HKDC1: variants seen among roughly 807,000 people sequenced by gnomAD.
HKDC1 encodes the protein hexokinase domain containing 1.
Under a neutral mutation model 96.6 loss-of-function variants are expected in HKDC1, and 66 were observed. The ratio of observed to expected loss-of-function variants is 0.68; its 90% CI spans 0.56 to 0.84. The LOEUF (loss-of-function observed/expected upper bound fraction) is 0.84. HKDC1 is among the 40% of genes least tolerant of loss of function. HKDC1 has a pLI of 0.00. For missense variants in HKDC1, 1,211 were observed against 1,208.1 expected (o/e 1.00, Z -0.04); for synonymous variants, 466 against 473.1 (o/e 0.98, Z 0.20).
intron 4 of HKDC1, among the ~76,000 whole-genome samples, chr10:69,234,899 A>G (rs1398161116): frequency 6.6e-6 from 1 of 152,272 alleles, no homozygotes; most frequent in South Asian, 2.1e-4. Flanking sequence ...GCCATCATCT[A>G]TACAGGGGAC....
chr10:69,247,580 A>C lies in HKDC1; in HGVS notation c.1252A>C (p.Lys418Gln), dbSNP rs1251972733. The C allele has an allele frequency of 1.6e-5, 26 of 1,613,696 alleles. No homozygotes were observed. In the East Asian group the frequency reaches 5.8e-4, roughly 36 times the overall value. The change falls in exon 9 of 18, where the codon AAG becomes CAG. Residue 418 changes from lysine to glutamine, a missense_variant. Coordinates refer to ENST00000354624, the MANE Select transcript of HKDC1 (RefSeq NM_025130.4). ...TTVGMDGTLY[K>Q]IHPQYPKRLH... ...AGTGGGCATGGACGGCACCCTCTAC[A>C]AGATACACCCTCAGTGAGTGCTGCC... is the stretch of plus-strand genomic sequence containing the variant.
At chr10:69,221,910 G>GA (rs568062600) in intron 1 of HKDC1, among the ~76,000 whole-genome samples, 98 of 147,338 alleles carry the variant, frequency 6.7e-4, no homozygotes, top group Non-Finnish European at 9.2e-4. Context: ...GACCCTGTCT[G>GA]AAAAAAAAAG....
chr10:69,249,566 G>A (rs934668950), intron 10 of HKDC1, among the ~76,000 whole-genome samples: 9 of 152,256 alleles, frequency 5.9e-5, no homozygotes, highest in South Asian at 2.1e-4. Flanking sequence ...CGTGATCTCC[G>A]CTCACTGCAA....
intron 7 of HKDC1, among the ~76,000 whole-genome samples, chr10:69,245,347 G>A (rs1843522950): frequency 6.6e-6 from 1 of 152,056 alleles, no homozygotes; most frequent in Admixed American, 6.6e-5. Context: ...TGCTTCGGGA[G>A]GCCAGGGCAG....
chr10:69,248,595 G>A lies in HKDC1; in HGVS notation c.1437G>A (p.Leu479=), dbSNP rs747455947. 1 of 1,614,168 alleles carries A rather than the reference G, an allele frequency of 6.2e-7. No homozygotes were observed. Among genetic ancestry groups the A allele is most frequent in the South Asian group, 1.1e-5 (1 of 91,088 alleles). ...ACAGGGTGCTGGCTTTGTTCCAGCT[G>A]ACCCGAGAGCAGCTCGTGGACGTGC... ...QIDRVLALFQ[L]TREQLVDVQA... The change falls in exon 10 of 18, where the codon CTG becomes CTA. Residue 479 remains leucine, a synonymous_variant. Coordinates refer to ENST00000354624, the MANE Select transcript of HKDC1 (RefSeq NM_025130.4).
At chr10:69,259,386 C>T (rs1191952715) in intron 15 of HKDC1, among the ~76,000 whole-genome samples, 3 of 152,170 alleles carry the variant, frequency 2.0e-5, no homozygotes, top group Non-Finnish European at 4.4e-5. Flanking sequence ...TGCTGGTTCT[C>T]GACCATGATG....
At chr10:69,247,725 G>C in intron 9 of HKDC1, 132 bp downstream of exon 9, 1 of 703,696 alleles carries the variant, frequency 1.4e-6, no homozygotes, top group Non-Finnish European at 2.4e-6. Context: ...AGATTACAAG[G>C]GAAAAGGTGA....
At chr10:69,260,110 G>C (rs1162417553) in intron 15 of HKDC1, among the ~76,000 whole-genome samples, 12 of 152,206 alleles carry the variant, frequency 7.9e-5, no homozygotes, top group Non-Finnish European at 1.0e-4. Flanking sequence ...GGGAAACATA[G>C]ATTTATTGTT....
intron 8 of HKDC1, 92 bp from the exon 9 acceptor site, chr10:69,247,268 T>C (rs1843556037): frequency 1.2e-6 from 1 of 832,100 alleles, no homozygotes; most frequent in Non-Finnish European, 2.0e-6. Flanking sequence ...CTATTAATTT[T>C]CACAATCCTG....
intron 6 of HKDC1, 46 bp downstream of exon 6, chr10:69,240,797 G>GT: frequency 7.0e-7 from 1 of 1,422,300 alleles, no homozygotes; most frequent in Non-Finnish European, 9.9e-7. Context: ...AGAAGGGACT[G>GT]TTTGGGAGTT....
At chr10:69,255,590 A>G (rs1372377076) in intron 12 of HKDC1, among the ~76,000 whole-genome samples, 3 of 152,122 alleles carry the variant, frequency 2.0e-5, no homozygotes, top group Non-Finnish European at 2.9e-5. Flanking sequence ...CAGGCTAACA[A>G]TGTAACTTTG....
chr10:69,250,205 G>A (rs1843616186), intron 10 of HKDC1, 85 bp from the exon 11 acceptor site: 11 of 1,479,686 alleles, frequency 7.4e-6, no homozygotes, highest in African/African-American at 2.8e-5. Context: ...CCCTGGGTCC[G>A]CTCTGCTCCG....
chr10:69,250,668 C>A lies in HKDC1; in HGVS notation c.1836+16C>A, dbSNP rs761922389. The A allele has an allele frequency of 1.2e-6, 2 of 1,612,436 alleles. No homozygotes were observed. Among genetic ancestry groups the A allele is most frequent in the Middle Eastern group, 1.7e-4 (1 of 5,988 alleles). ...CATTGACAAGGTAAGATAGCCCCAC[C>A]AGGCTCACGGCCAGCCCAGTGGGCT... On this transcript the variant is annotated intron_variant, in intron 12 of 17. Transcript: ENST00000354624.
chr10:69,225,384 T>C (rs1222707217), intron 1 of HKDC1, among the ~76,000 whole-genome samples: 3 of 152,232 alleles, frequency 2.0e-5, no homozygotes, highest in African/African-American at 7.2e-5. Flanking sequence ...GGCTTGTGTG[T>C]GGCTGTGCCA....
rs761610733 is a variant in HKDC1, at chr10:69,257,361, A to T, written c.1967A>T (p.Asp656Val). 1 of 1,614,034 alleles carries T rather than the reference A, an allele frequency of 6.2e-7. No homozygotes were observed. The highest frequency in any genetic ancestry group is 1.1e-5 in the South Asian group (1 of 91,080). Residue 656 changes from aspartate (D) to valine (V), a missense_variant, in exon 14 of 18, where the codon GAT (aspartate) becomes GTT (valine). By Grantham distance (152) the Asp-to-Val change is radical (BLOSUM62 -3). Transcript: ENST00000354624. ...CTGGACATTGTTGCAGTCGTGAATG[A>T]TACAGTGGGGACCATGATGACCTGT... Reference protein sequence around the residue: ...FDLDIVAVVNDTVGTMMTCGY... With the variant: ...FDLDIVAVVNVTVGTMMTCGY...
chr10:69,223,578 A>ATTTTT (rs60016100), intron 1 of HKDC1, among the ~76,000 whole-genome samples: 36 of 85,582 alleles, frequency 4.2e-4, no homozygotes, highest in Middle Eastern at 9.4e-3. Context: ...CCACAATCTA[A>ATTTTT]TTTTTTTTTT....
Position 69,250,369 on chromosome 10 carries a change from G to C in HKDC1, c.1650G>C (p.Arg550Ser). The C allele has an allele frequency of 6.2e-7, 1 of 1,614,178 alleles. No individual in the cohort carries two copies. The highest frequency in any genetic ancestry group is 8.5e-7 in the Non-Finnish European group (1 of 1,180,018). Residue 550 changes from arginine to serine, a missense_variant, in exon 11 of 18, where the codon AGG (arginine) becomes AGC (serine). Transcript: ENST00000354624. Reference sequence around the variant, plus strand: ...TGGTGAAGATCAGAAGTGGACGGAGGTCAGTGCGAATGTACAACAAGATCT... The same window carrying C: ...TGGTGAAGATCAGAAGTGGACGGAGCTCAGTGCGAATGTACAACAAGATCT... ...VLLVKIRSGRRSVRMYNKIFA... is the reference protein window; with the variant it reads ...VLLVKIRSGRSSVRMYNKIFA...
Position 69,258,996 on chromosome 10 carries a change from G to A in HKDC1, c.2216+37G>A, listed in dbSNP as rs201073282. On this transcript the variant is annotated intron_variant, in intron 15 of 17. Transcript: ENST00000354624. ...GGATGTGTGCATTTATGTGGGTTGT[G>A]TAGTGAACAACACTACCAGACCTAA... 4.7e-4 allele frequency: 692 copies of A among 1,466,216 alleles called. 2 individuals are homozygous for A. Among genetic ancestry groups the A allele is most frequent in the South Asian group, 3.4e-3 (239 of 70,172 alleles). 90.8% of individuals were successfully genotyped at this position (1,466,216 alleles called of 1,614,324 possible). A position where few individuals can be genotyped will look rare whatever the true frequency, so the allele number is the denominator to read the frequency against.
chr10:69,232,382 T>G, intron 2 of HKDC1: 2 of 213,472 alleles, frequency 9.4e-6, no homozygotes, highest in South Asian at 7.9e-5. Flanking sequence ...TTTATCCGAG[T>G]TTCCCCAGGC....
Sources: gnomAD v4.1 joint callset for allele counts (sites outside exome capture counted in the v4.1 genomes callset) on GRCh38, gnomAD v4.1.1 for gene constraint, MANE v1.5 for transcripts, NCBI Gene and HGNC (gene_info 2026-07-23, HGNC 2026-07-21) for gene names.